Variants in C1orf21 observed in about 807,000 individuals in gnomAD.
C1orf21 encodes the protein uncharacterized protein C1orf21.
Under a neutral mutation model 18.7 loss-of-function variants are expected in C1orf21, and 3 were observed. The observed-to-expected ratio is 0.16, with a 90% CI of 0.07 to 0.42. The LOEUF (loss-of-function observed/expected upper bound fraction) is 0.42, where lower values mean the gene tolerates loss of function less well. C1orf21 is among the 10% of genes least tolerant of loss of function. C1orf21 has a pLI of 0.99. For missense variants in C1orf21, 104 were observed against 143.6 expected (o/e 0.72, Z 1.41); for synonymous variants, 41 against 46.4 (o/e 0.88, Z 0.47).
chr1:184,605,178 T>C (rs1200900811), intron 5 of C1orf21, among the ~76,000 whole-genome samples: 1 of 152,228 alleles, frequency 6.6e-6, no homozygotes, highest in Admixed American at 6.5e-5. Flanking sequence ...TGCCCTCTCT[T>C]CAGCTATCCT....
intron 5 of C1orf21, among the ~76,000 whole-genome samples, chr1:184,607,969 T>C (rs553351053): frequency 6.6e-6 from 1 of 152,306 alleles, no homozygotes; most frequent in East Asian, 1.9e-4. Flanking sequence ...TTATCTGTTA[T>C]ATATTTAAAT....
At chr1:184,556,412 G>C (rs1452809821) in intron 3 of C1orf21, among the ~76,000 whole-genome samples, 1 of 152,188 alleles carries the variant, frequency 6.6e-6, no homozygotes, top group Non-Finnish European at 1.5e-5. Context: ...AGAAGGCTGT[G>C]TCTGTCATGG....
At chr1:184,513,658 A>G (rs1181187693) in intron 3 of C1orf21, among the ~76,000 whole-genome samples, 1 of 152,236 alleles carries the variant, frequency 6.6e-6, no homozygotes, top group African/African-American at 2.4e-5. Flanking sequence ...GTGTTTTCCA[A>G]GAGCTGGTTT....
At chr1:184,610,672 C>T (rs1038347273) in intron 5 of C1orf21, among the ~76,000 whole-genome samples, 3 of 152,062 alleles carry the variant, frequency 2.0e-5, no homozygotes, top group Admixed American at 6.6e-5. Flanking sequence ...CGATGAAATC[C>T]TGTCTCTACT....
chr1:184,409,179 G>A (rs962445037), intron 1 of C1orf21, among the ~76,000 whole-genome samples: 5 of 152,194 alleles, frequency 3.3e-5, no homozygotes, highest in Non-Finnish European at 5.9e-5. Context: ...GCCTAGACTA[G>A]GGTGGGATCT....
At chr1:184,443,385 T>C (rs772882517) in intron 1 of C1orf21, among the ~76,000 whole-genome samples, 3 of 152,150 alleles carry the variant, frequency 2.0e-5, no homozygotes, top group Non-Finnish European at 4.4e-5. Flanking sequence ...TGTTCTCCAC[T>C]AGATGCCAGA....
At chr1:184,434,432 G>A (rs2016701) in intron 1 of C1orf21, among the ~76,000 whole-genome samples, 1 of 152,174 alleles carries the variant, frequency 6.6e-6, no homozygotes, top group East Asian at 1.9e-4. Context: ...GTGCATGCTA[G>A]GCACTGTTTC....
rs1659952584 is a variant in C1orf21, at chr1:184,623,253, C to T, written c.*3697C>T. The T allele has an allele frequency of 6.6e-6, 1 of 152,060 alleles. No individual in the cohort carries two copies. The highest frequency in any genetic ancestry group is 2.4e-5 in the African/African-American group (1 of 41,372). The allele number at this position is 152,060 out of a possible 1,614,324, so 9.4% of individuals were successfully genotyped here. ...AAGAAATATTTTCAAATTCTTAATC[C>T]AAGAAAATACTGAGTTGGAATCTTA... is the stretch of plus-strand genomic sequence containing the variant. On this transcript the variant is annotated 3_prime_UTR_variant, in exon 6 of 6. Transcript: ENST00000235307.
chr1:184,610,720 C>T (rs898498732), intron 5 of C1orf21, among the ~76,000 whole-genome samples: 1 of 151,852 alleles, frequency 6.6e-6, no homozygotes, highest in Non-Finnish European at 1.5e-5. Context: ...TGGTGGCAGG[C>T]GCCTGTAGTC....
At chr1:184,598,341 T>G (rs1439548876) in intron 4 of C1orf21, 60 bp from the exon 5 acceptor site, 1 of 1,518,454 alleles carries the variant, frequency 6.6e-7, no homozygotes, top group Non-Finnish European at 9.0e-7. Flanking sequence ...ATTTTTCCTT[T>G]GAGGGGACCA....
intron 3 of C1orf21, chr1:184,568,585 A>G (rs912181953): frequency 2.9e-6 from 1 of 347,202 alleles, no homozygotes; most frequent in African/African-American, 2.2e-5. Context: ...AAAATGATGC[A>G]TGTTAAGCTC....
At chr1:184,553,167 G>C (rs1658835991) in intron 3 of C1orf21, among the ~76,000 whole-genome samples, 1 of 151,898 alleles carries the variant, frequency 6.6e-6, no homozygotes, top group Non-Finnish European at 1.5e-5. Flanking sequence ...GATGAGGGAT[G>C]GTGTATTTTT....
At chr1:184,400,601 C>T (rs1369646912) in intron 1 of C1orf21, among the ~76,000 whole-genome samples, 1 of 152,016 alleles carries the variant, frequency 6.6e-6, no homozygotes, top group Non-Finnish European at 1.5e-5. Context: ...GAAATTCTAC[C>T]GTACAGATAT....
At chr1:184,582,629 G>C (rs1659290480) in intron 3 of C1orf21, among the ~76,000 whole-genome samples, 2 of 152,172 alleles carry the variant, frequency 1.3e-5, no homozygotes, top group Admixed American at 6.5e-5. Flanking sequence ...TTCCTCTCCA[G>C]ACTATCAATT....
At chr1:184,494,688 A>G (rs947760431) in intron 2 of C1orf21, among the ~76,000 whole-genome samples, 6 of 152,148 alleles carry the variant, frequency 3.9e-5, no homozygotes, top group Non-Finnish European at 8.8e-5. Context: ...GGCTTGCAGG[A>G]GGCAGAGTTT....
chr1:184,429,215 T>C (rs1159151393), intron 1 of C1orf21, among the ~76,000 whole-genome samples: 1 of 152,172 alleles, frequency 6.6e-6, no homozygotes, highest in African/African-American at 2.4e-5. Context: ...GAAATGGACC[T>C]CAGCACGTTG....
chr1:184,622,075 A>T lies in C1orf21; in HGVS notation c.*2519A>T, dbSNP rs914273383. Reference sequence around the variant, plus strand: ...TTTTTGTGCCTTCTGAAAGGATCTAAAACAAAAATATTTTGCCTTTTTTTC... The same window carrying T: ...TTTTTGTGCCTTCTGAAAGGATCTATAACAAAAATATTTTGCCTTTTTTTC... On this transcript the variant is annotated 3_prime_UTR_variant, in exon 6 of 6. Transcript: ENST00000235307. 3 of 152,236 alleles carry T rather than the reference A, an allele frequency of 2.0e-5. No homozygotes were observed. The highest frequency in any genetic ancestry group is 7.2e-5 in the African/African-American group (3 of 41,456). The allele number at this position is 152,236 out of a possible 1,614,324, so 9.4% of individuals were successfully genotyped here.
At chr1:184,545,679 C>T (rs984128130) in intron 3 of C1orf21, among the ~76,000 whole-genome samples, 2 of 152,184 alleles carry the variant, frequency 1.3e-5, no homozygotes, top group Non-Finnish European at 2.9e-5. Context: ...CTAAGTGACA[C>T]ACAGAGGCTT....
intron 1 of C1orf21, among the ~76,000 whole-genome samples, chr1:184,465,057 C>A (rs1297341957): frequency 6.6e-6 from 1 of 152,190 alleles, no homozygotes; most frequent in Non-Finnish European, 1.5e-5. Context: ...AGGAGTGAGC[C>A]ACCATGCCCA....
Sources: allele counts gnomAD v4.1 joint callset (sites outside exome capture counted in the v4.1 genomes callset), GRCh38; gene constraint gnomAD v4.1.1; transcripts MANE v1.5; gene names NCBI Gene and HGNC (gene_info 2026-07-23, HGNC 2026-07-21).